Variants in AFG1L observed in about 807,000 individuals in gnomAD.
AFG1L encodes the protein AFG1-like ATPase.
AFG1L carries 53 observed loss-of-function variants against 62.2 expected under a neutral mutation model. The observed-to-expected ratio is 0.85, with a 90% CI of 0.68 to 1.07. The LOEUF is 1.07. Ranked by LOEUF, AFG1L falls within the 50% of genes least tolerant of loss-of-function variation. AFG1L has a pLI of 0.00. For synonymous variants in AFG1L, 228 were observed against 210.3 expected, an observed-to-expected ratio of 1.08 and a Z score of -0.73; for missense variants, 555 against 590.5, an observed-to-expected ratio of 0.94 and a Z score of 0.62.
intron 10 of AFG1L, among the ~76,000 whole-genome samples, chr6:108,483,758 A>G (rs1344120006): frequency 1.3e-5 from 2 of 152,208 alleles, no homozygotes; most frequent in Admixed American, 1.3e-4. Flanking sequence ...ATTGCTCACT[A>G]TCAACTTCTT....
intron 5 of AFG1L, 75 bp from the exon 6 acceptor site, chr6:108,366,158 A>G (rs1779747932): frequency 1.2e-6 from 1 of 813,940 alleles, no homozygotes; most frequent in Non-Finnish European, 2.0e-6. Context: ...CATCTTAAAA[A>G]AAAAGATGAT....
At chr6:108,376,686 C>T (rs796699179) in intron 6 of AFG1L, among the ~76,000 whole-genome samples, 3 of 152,090 alleles carry the variant, frequency 2.0e-5, no homozygotes, top group African/African-American at 7.2e-5. Flanking sequence ...TATGATTGAG[C>T]ATGTGGTTAA....
intron 3 of AFG1L, among the ~76,000 whole-genome samples, chr6:108,347,916 G>A (rs935863655): frequency 6.6e-6 from 1 of 151,888 alleles, no homozygotes; most frequent in African/African-American, 2.4e-5. Context: ...CATGTAACGA[G>A]GTCAGTTTTG....
At chr6:108,314,338 A>G (rs1233226865) in intron 1 of AFG1L, among the ~76,000 whole-genome samples, 1 of 152,112 alleles carries the variant, frequency 6.6e-6, no homozygotes, top group African/African-American at 2.4e-5. Flanking sequence ...ATCTTTTATT[A>G]TCAAGCCTTA....
intron 5 of AFG1L, among the ~76,000 whole-genome samples, chr6:108,358,634 C>T (rs544030998): frequency 6.6e-6 from 1 of 152,140 alleles, no homozygotes; most frequent in Non-Finnish European, 1.5e-5. Context: ...CTGGGTCAAG[C>T]GATTCTTCTG....
At chr6:108,440,270 G>C (rs1446610868) in intron 7 of AFG1L, among the ~76,000 whole-genome samples, 1 of 152,030 alleles carries the variant, frequency 6.6e-6, no homozygotes, top group African/African-American at 2.4e-5. Context: ...CCAGGTTCAA[G>C]CAATTCTCCT....
chr6:108,494,099 G>A (rs1402118785), intron 10 of AFG1L, among the ~76,000 whole-genome samples: 1 of 151,984 alleles, frequency 6.6e-6, no homozygotes, highest in Non-Finnish European at 1.5e-5. Context: ...TGGGATTACA[G>A]GTGTGAGTCA....
At chr6:108,491,573 A>G (rs1773781237) in intron 10 of AFG1L, among the ~76,000 whole-genome samples, 1 of 152,184 alleles carries the variant, frequency 6.6e-6, no homozygotes, top group African/African-American at 2.4e-5. Context: ...ATAGTTCTAA[A>G]TGTTTAGAGA....
intron 11 of AFG1L, among the ~76,000 whole-genome samples, chr6:108,511,301 A>C (rs944191240): frequency 6.6e-6 from 1 of 152,144 alleles, no homozygotes; most frequent in Non-Finnish European, 1.5e-5. Flanking sequence ...AGTAGCTAGC[A>C]TTATACCATC....
intron 1 of AFG1L, among the ~76,000 whole-genome samples, chr6:108,310,325 G>A (rs1777355937): frequency 6.6e-6 from 1 of 151,990 alleles, no homozygotes; most frequent in Non-Finnish European, 1.5e-5. Context: ...GATGTGAAAT[G>A]GTATCTCATT....
At position 108,365,467 on chromosome 6, in the gene AFG1L, C is replaced by A. The variant is rs1562110900; in HGVS notation, c.649-766C>A. Among the ~76,000 whole-genome samples, 5 of 147,162 alleles carry A rather than the reference C, an allele frequency of 3.4e-5. No individual in the cohort carries two copies. The South Asian group carries it at 1.1e-3, about 31-fold the overall frequency. On this transcript the variant is annotated intron_variant, in intron 5 of 12. Coordinates refer to ENST00000368977, the MANE Select transcript of AFG1L (RefSeq NM_145315.5). ...TTATTTTTTTAAGGGACTATATTAG[C>A]CATTCTTGAAAGGTGGTTTTTTTTG...
intron 6 of AFG1L, among the ~76,000 whole-genome samples, chr6:108,398,604 C>T (rs1415866278): frequency 2.0e-5 from 3 of 152,074 alleles, no homozygotes; most frequent in Non-Finnish European, 4.4e-5. Flanking sequence ...AAATTTAAGT[C>T]TTTATTTTTA....
chr6:108,435,792 A>G (rs1771283409), intron 7 of AFG1L, among the ~76,000 whole-genome samples: 2 of 152,152 alleles, frequency 1.3e-5, no homozygotes, highest in South Asian at 2.1e-4. Context: ...AGAATGCTTC[A>G]TTTTGTCATA....
intron 7 of AFG1L, among the ~76,000 whole-genome samples, chr6:108,419,429 T>C (rs931724517): frequency 6.6e-6 from 1 of 152,158 alleles, no homozygotes; most frequent in Admixed American, 6.5e-5. Context: ...CAAGGCATTC[T>C]ACAATAGAAT....
intron 8 of AFG1L, among the ~76,000 whole-genome samples, chr6:108,472,830 G>T (rs2114805402): frequency 6.9e-6 from 1 of 145,380 alleles, no homozygotes; most frequent in East Asian, 2.0e-4. Flanking sequence ...TTGAGTCATG[G>T]TCTCCCTCTG....
At chr6:108,443,886 T>A (rs1292070717) in intron 7 of AFG1L, among the ~76,000 whole-genome samples, 5 of 151,720 alleles carry the variant, frequency 3.3e-5, no homozygotes, top group Admixed American at 2.6e-4. Flanking sequence ...AAAAAAAAAA[T>A]TGCATTTTTT....
At chr6:108,367,736 C>G (rs1779817297) in intron 6 of AFG1L, among the ~76,000 whole-genome samples, 1 of 152,102 alleles carries the variant, frequency 6.6e-6, no homozygotes, top group Non-Finnish European at 1.5e-5. Context: ...TGGAAGTTAT[C>G]AGTCCTCAAG....
At chr6:108,465,669 CTG>C (rs1772636288) in intron 8 of AFG1L, among the ~76,000 whole-genome samples, 2 of 152,084 alleles carry the variant, frequency 1.3e-5, no homozygotes, top group African/African-American at 2.4e-5. Flanking sequence ...GCTGCTGCTG[CTG>C]CTGCTGCTGC....
At chr6:108,399,407 C>T (rs184475094) in intron 6 of AFG1L, among the ~76,000 whole-genome samples, 2 of 151,642 alleles carry the variant, frequency 1.3e-5, no homozygotes, top group Admixed American at 1.3e-4. Flanking sequence ...AGGATGGTCT[C>T]GATCTCTTGA....
Sources: allele counts gnomAD v4.1 joint callset (sites outside exome capture counted in the v4.1 genomes callset), GRCh38; gene constraint gnomAD v4.1.1; transcripts MANE v1.5; gene names NCBI Gene and HGNC (gene_info 2026-07-23, HGNC 2026-07-21).